The following SYN2 variants were observed in gnomAD, a reference collection of about 807,000 sequenced individuals.
SYN2 encodes synapsin-2.
Under a neutral mutation model 50.9 loss-of-function variants are expected in SYN2, and 19 were observed. That is an observed-to-expected ratio of 0.37 (90% CI 0.26 to 0.55). The LOEUF (loss-of-function observed/expected upper bound fraction) is 0.55, where lower values mean the gene tolerates loss of function less well. SYN2 is among the 20% of genes least tolerant of loss of function. SYN2 has a pLI of 0.81. For missense variants in SYN2, 587 were observed against 576.4 expected (o/e 1.02, Z -0.19); for synonymous variants, 255 against 224.9 (o/e 1.13, Z -1.20).
At chr3:12,120,270 C>A (rs959922203) in intron 1 of SYN2, among the ~76,000 whole-genome samples, 1 of 152,080 alleles carries the variant, frequency 6.6e-6, no homozygotes, top group Non-Finnish European at 1.5e-5. Flanking sequence ...TCCAGGTCAG[C>A]GCTTTTTTAA....
chr3:12,164,932 G>A (rs1345352044), intron 7 of SYN2, among the ~76,000 whole-genome samples: 1 of 151,612 alleles, frequency 6.6e-6, no homozygotes, highest in Non-Finnish European at 1.5e-5. Flanking sequence ...GAGGTTATGG[G>A]ACTGGCTTGA....
intron 1 of SYN2, among the ~76,000 whole-genome samples, chr3:12,009,344 T>C (rs201772262): frequency 5.9e-5 from 9 of 151,634 alleles, no homozygotes; most frequent in Non-Finnish European, 1.2e-4. Context: ...TTTTTTTTTT[T>C]CCCAACTCTA....
At chr3:12,138,910 T>A (rs1296069275) in intron 1 of SYN2, among the ~76,000 whole-genome samples, 3 of 152,154 alleles carry the variant, frequency 2.0e-5, no homozygotes, top group Admixed American at 2.0e-4. Flanking sequence ...GAGTCCAAGG[T>A]CTGCAGAGAA....
At chr3:12,058,772 G>T (rs961040439) in intron 1 of SYN2, among the ~76,000 whole-genome samples, 1 of 152,166 alleles carries the variant, frequency 6.6e-6, no homozygotes, top group Non-Finnish European at 1.5e-5. Context: ...TGTCATATCA[G>T]TGCTGAGAAT....
At chr3:12,047,117 A>G (rs772221346) in intron 1 of SYN2, among the ~76,000 whole-genome samples, 2 of 152,102 alleles carry the variant, frequency 1.3e-5, no homozygotes, top group East Asian at 1.9e-4. Flanking sequence ...ATTATGTGCC[A>G]TAATTAAGGG....
chr3:12,154,262 G>A, intron 5 of SYN2: 1 of 1,604,776 alleles, frequency 6.2e-7, no homozygotes. Flanking sequence ...ATAAATTCAT[G>A]CATGAATGAA....
rs2125236192 is a variant in SYN2 at position 12,161,574 on chromosome 3, T to G, written c.803T>G (p.Val268Gly). The G allele has an allele frequency of 6.2e-7, 1 of 1,614,010 alleles. No individual in the cohort carries two copies. Among genetic ancestry groups the G allele is most frequent in the Non-Finnish European group, 8.5e-7 (1 of 1,179,900 alleles). Residue 268 changes from valine (V) to glycine (G), a missense_variant, in exon 6 of 13, where the codon GTG (valine) becomes GGG (glycine). Coordinates refer to ENST00000621198, the MANE Select transcript of SYN2 (RefSeq NM_133625.6). ...MLTLPTFPVV[V>G]KIGHAHSGMG... ...ACACTGCCCACGTTCCCTGTGGTGG[T>G]GAAGATTGGCCACGCTCACTCAGGC...
At chr3:12,041,531 G>A (rs1206791115) in intron 1 of SYN2, among the ~76,000 whole-genome samples, 1 of 152,206 alleles carries the variant, frequency 6.6e-6, no homozygotes, top group Non-Finnish European at 1.5e-5. Context: ...TGTTTAAGAA[G>A]TAAGCAGCTT....
At chr3:12,127,436 A>G (rs779241011) in intron 1 of SYN2, among the ~76,000 whole-genome samples, 3 of 152,156 alleles carry the variant, frequency 2.0e-5, no homozygotes, top group Non-Finnish European at 4.4e-5. Flanking sequence ...TTCTTTGCCT[A>G]TGAGAGGATA....
At chr3:12,027,915 C>A (rs1474679968) in intron 1 of SYN2, among the ~76,000 whole-genome samples, 2 of 150,194 alleles carry the variant, frequency 1.3e-5, no homozygotes, top group Non-Finnish European at 3.0e-5. Flanking sequence ...GAGTAACTTT[C>A]ATGACTTACA....
intron 1 of SYN2, among the ~76,000 whole-genome samples, chr3:12,082,179 C>A (rs1695597696): frequency 6.6e-6 from 1 of 152,186 alleles, no homozygotes; most frequent in African/African-American, 2.4e-5. Context: ...GGGTCTTCCT[C>A]TGGTGGAGTC....
chr3:12,133,969 T>G (rs886444812), intron 1 of SYN2, among the ~76,000 whole-genome samples: 2 of 152,244 alleles, frequency 1.3e-5, no homozygotes, highest in African/African-American at 4.8e-5. Context: ...GGGCACTTAT[T>G]GCTTATTGGC....
chr3:12,044,159 G>A (rs1694680463), intron 1 of SYN2, among the ~76,000 whole-genome samples: 1 of 35,896 alleles, frequency 2.8e-5, no homozygotes, highest in Non-Finnish European at 4.6e-5. Flanking sequence ...AGAAGGCAAA[G>A]TTCTCTCTCT....
chr3:12,154,477 A>G (rs747782653), intron 5 of SYN2: 2 of 1,612,906 alleles, frequency 1.2e-6, no homozygotes, highest in South Asian at 1.1e-5. Flanking sequence ...GAGGAGAGTC[A>G]AGCATCAGGA....
chr3:12,056,165 TTTTG>T (rs950652966), intron 1 of SYN2, among the ~76,000 whole-genome samples: 2 of 150,672 alleles, frequency 1.3e-5, no homozygotes, highest in African/African-American at 2.4e-5. Flanking sequence ...CAAAGTTGTG[TTTTG>T]TTTTTTTTTT....
At chr3:12,189,288 C>T (rs1574899276) in intron 12 of SYN2, among the ~76,000 whole-genome samples, 1 of 152,164 alleles carries the variant, frequency 6.6e-6, no homozygotes, top group Non-Finnish European at 1.5e-5. Flanking sequence ...CTGGGCCTCC[C>T]CATGGCCTTG....
chr3:12,097,858 G>A (rs987223050), intron 1 of SYN2, among the ~76,000 whole-genome samples: 1 of 152,122 alleles, frequency 6.6e-6, no homozygotes, highest in Non-Finnish European at 1.5e-5. Flanking sequence ...CTGTTGTGGG[G>A]TGGAGGAAGT....
chr3:12,161,889 A>T (rs1697656893), intron 6 of SYN2, 123 bp from the exon 7 acceptor site: 1 of 1,387,158 alleles, frequency 7.2e-7, no homozygotes, highest in Admixed American at 2.3e-5. Context: ...GAGATGTGGC[A>T]CCCAGATTAG....
chr3:12,004,565 T>A lies in SYN2; in HGVS notation c.14T>A (p.Leu5Gln). Residue 5 changes from leucine to glutamine, a missense_variant, in exon 1 of 13, where the codon CTG becomes CAG. Leu to Gln is a moderately radical substitution (Grantham distance 113). Transcript: ENST00000621198. ...CCTTTAAGCCAGATGATGAACTTCCTGCGGCGCCGGCTGTCGGACAGCAGC... is the reference window on the plus strand; with the variant it reads ...CCTTTAAGCCAGATGATGAACTTCCAGCGGCGCCGGCTGTCGGACAGCAGC... The part of the protein sequence containing the change: MMNF[L>Q]RRRLSDSSFI... 1.5e-6 allele frequency: 1 copy of A among 668,114 alleles called. No individual in the cohort carries two copies. The allele number at this position is 668,114 out of a possible 1,614,324, so 41.4% of individuals were successfully genotyped here. A position where few individuals can be genotyped will look rare whatever the true frequency, so the allele number is the denominator to read the frequency against.
Sources: gnomAD v4.1 joint callset for allele counts (sites outside exome capture counted in the v4.1 genomes callset) on GRCh38, gnomAD v4.1.1 for gene constraint, MANE v1.5 for transcripts, NCBI Gene and HGNC (gene_info 2026-07-23, HGNC 2026-07-21) for gene names.